Variants in LDLRAD4 observed in about 807,000 individuals in gnomAD.
LDLRAD4 encodes low-density lipoprotein receptor class A domain-containing protein 4.
LDLRAD4 carries 5 observed loss-of-function variants against 17.0 expected under a neutral mutation model. That is an observed-to-expected ratio of 0.29 (90% CI 0.15 to 0.62). LDLRAD4 has a LOEUF of 0.62. Ranked by LOEUF, LDLRAD4 falls within the 20% of genes least tolerant of loss-of-function variation. The pLI, the probability that LDLRAD4 is intolerant of heterozygous loss-of-function variation, is 0.84. For synonymous variants in LDLRAD4, 168 were observed against 171.8 expected (o/e 0.98, Z 0.17); for missense variants, 340 against 424.7 (o/e 0.80, Z 1.75).
intron 3 of LDLRAD4, among the ~76,000 whole-genome samples, chr18:13,584,005 AC>A (rs2094902205): frequency 6.6e-6 from 1 of 151,572 alleles, no homozygotes; most frequent in Admixed American, 6.6e-5. Flanking sequence ...GAGGACCACC[AC>A]CGCCCTTAGC....
At chr18:13,521,396 G>A (rs763490336) in intron 3 of LDLRAD4, 2 of 152,216 alleles carry the variant, frequency 1.3e-5, no homozygotes, top group Non-Finnish European at 2.9e-5. Flanking sequence ...AAGATCTGGA[G>A]TCATTAGGAG....
intron 3 of LDLRAD4, among the ~76,000 whole-genome samples, chr18:13,509,773 T>C (rs1470230655): frequency 6.6e-6 from 1 of 152,196 alleles, no homozygotes; most frequent in African/African-American, 2.4e-5. Context: ...GCACTCTTCA[T>C]TGTTTTCTTA....
At chr18:13,344,422 G>A (rs1450546312) in intron 1 of LDLRAD4, among the ~76,000 whole-genome samples, 2 of 152,172 alleles carry the variant, frequency 1.3e-5, no homozygotes, top group African/African-American at 4.8e-5. Context: ...TGAGGGCTCT[G>A]TTCTGTTCCA....
intron 3 of LDLRAD4, among the ~76,000 whole-genome samples, chr18:13,527,376 C>T (rs2094049758): frequency 6.6e-6 from 1 of 152,236 alleles, no homozygotes; most frequent in African/African-American, 2.4e-5. Context: ...AGGCGGGCCT[C>T]CAGGCTGACA....
At chr18:13,323,402 A>C (rs1397864150) in intron 1 of LDLRAD4, among the ~76,000 whole-genome samples, 1 of 152,218 alleles carries the variant, frequency 6.6e-6, no homozygotes, top group Non-Finnish European at 1.5e-5. Flanking sequence ...GGTAATTAGG[A>C]GAGGGCTGGA....
intron 1 of LDLRAD4, among the ~76,000 whole-genome samples, chr18:13,281,817 G>A (rs1599097425): frequency 6.6e-6 from 1 of 152,288 alleles, no homozygotes; most frequent in East Asian, 1.9e-4. Flanking sequence ...AGCATCAGGG[G>A]ACTGGATTCT....
At chr18:13,395,168 T>C (rs2145382939) in intron 2 of LDLRAD4, among the ~76,000 whole-genome samples, 2 of 152,118 alleles carry the variant, frequency 1.3e-5, no homozygotes, top group South Asian at 4.2e-4. Flanking sequence ...TAATGGCCAG[T>C]GAGTAGGTTC....
chr18:13,412,444 C>A (rs532610740), intron 2 of LDLRAD4, among the ~76,000 whole-genome samples: 1 of 152,208 alleles, frequency 6.6e-6, no homozygotes, highest in East Asian at 1.9e-4. Flanking sequence ...TCATAAGGTT[C>A]CATATTTCTC....
chr18:13,337,739 G>GGAAAAAAAAAAA (rs1491429518), intron 1 of LDLRAD4, among the ~76,000 whole-genome samples: 29 of 28,250 alleles, frequency 1.0e-3, no homozygotes, highest in African/African-American at 3.3e-3. Flanking sequence ...TTTACAAAAA[G>GGAAAAAAAAAAA]TAAAAAAAAA....
At chr18:13,478,133 G>A (rs1355436113) in intron 3 of LDLRAD4, among the ~76,000 whole-genome samples, 2 of 152,182 alleles carry the variant, frequency 1.3e-5, no homozygotes, top group Non-Finnish European at 2.9e-5. Flanking sequence ...CCTGAGCTCA[G>A]AGCCCCATCT....
chr18:13,585,077 C>G (rs1023915597), intron 3 of LDLRAD4, among the ~76,000 whole-genome samples: 2 of 152,242 alleles, frequency 1.3e-5, no homozygotes, highest in African/African-American at 2.4e-5. Context: ...TTTTCCCTGG[C>G]TGGAATAAGA....
At chr18:13,588,991 C>T (rs2094972955) in intron 3 of LDLRAD4, among the ~76,000 whole-genome samples, 1 of 148,952 alleles carries the variant, frequency 6.7e-6, no homozygotes, top group African/African-American at 2.5e-5. Context: ...TGCAGTGGCG[C>T]TATCTTGGTT....
At chr18:13,611,972 C>G (rs1457324980) in intron 3 of LDLRAD4, 4 of 985,314 alleles carry the variant, frequency 4.1e-6, no homozygotes, top group Non-Finnish European at 4.8e-6. Context: ...TGTGGGTGCT[C>G]CCAGCCGGGC....
intron 1 of LDLRAD4, among the ~76,000 whole-genome samples, chr18:13,221,598 C>A (rs771301199): frequency 6.6e-6 from 1 of 152,218 alleles, no homozygotes; most frequent in Non-Finnish European, 1.5e-5. Flanking sequence ...AGAGAAAGGA[C>A]TGAAGCTAGT....
Position 13,483,075 on chromosome 18 carries a change from T to C in LDLRAD4, c.181+44691T>C, listed in dbSNP as rs142747815. ...AGAGAGGCCTTGGTTCTGAGCTTAT[T>C]TCTGAGGCCTTTCAATCTCCATTGT... On this transcript the variant is annotated intron_variant, in intron 3 of 5. Coordinates refer to ENST00000359446, the Ensembl canonical transcript of LDLRAD4. 3.3e-3 allele frequency among the ~76,000 whole-genome samples: 495 copies of C among 152,222 alleles called. 5 individuals carry two copies. The highest frequency in any genetic ancestry group is 0.011 in the African/African-American group (459 of 41,528).
intron 1 of LDLRAD4, among the ~76,000 whole-genome samples, chr18:13,271,478 GC>G (rs2044537931): frequency 1.3e-5 from 2 of 152,330 alleles, no homozygotes; most frequent in Admixed American, 1.3e-4. Flanking sequence ...TTTTGAGTCT[GC>G]CGAAGGAGAT....
At chr18:13,329,852 T>C (rs1490807051) in intron 1 of LDLRAD4, among the ~76,000 whole-genome samples, 1 of 152,222 alleles carries the variant, frequency 6.6e-6, no homozygotes, top group African/African-American at 2.4e-5. Flanking sequence ...ATTATTCTGA[T>C]TAATTGGCCT....
rs182667779 is a variant in LDLRAD4, at chr18:13,576,146, G to A, written c.182-44971G>A. Among the ~76,000 whole-genome samples, 6 of 152,198 alleles carry A rather than the reference G, an allele frequency of 3.9e-5. No individual in the cohort carries two copies. In the East Asian group the frequency reaches 5.8e-4, roughly 15 times the overall value. ...AACATCAAGAAAGTGGATTCCAGCC[G>A]GGCGCAGTGGCTCACGCCTGTAATC... On this transcript the variant is annotated intron_variant, in intron 3 of 5. Coordinates refer to ENST00000359446, the Ensembl canonical transcript of LDLRAD4.
At chr18:13,388,700 G>A (rs1021638096) in intron 2 of LDLRAD4, among the ~76,000 whole-genome samples, 2 of 152,368 alleles carry the variant, frequency 1.3e-5, no homozygotes, top group South Asian at 2.1e-4. Flanking sequence ...TGGATTAGAT[G>A]TCAGCTCCTA....
Sources: allele counts gnomAD v4.1 joint callset (sites outside exome capture counted in the v4.1 genomes callset), GRCh38; gene constraint gnomAD v4.1.1; transcripts MANE v1.5; gene names NCBI Gene and HGNC (gene_info 2026-07-23, HGNC 2026-07-21).